Variants in GRIP1 observed in about 807,000 individuals in gnomAD.
GRIP1 encodes the protein glutamate receptor-interacting protein 1.
A neutral mutation model predicts 129.9 loss-of-function variants in GRIP1; 45 were observed. That is an observed-to-expected ratio of 0.35 (90% confidence interval 0.27 to 0.44). The LOEUF (loss-of-function observed/expected upper bound fraction) is 0.44. Among genes scored for constraint, GRIP1 ranks in the 20% least tolerant of loss-of-function variants. GRIP1 has a pLI of 1.00. For synonymous variants in GRIP1, 530 were observed against 520.8 expected, an observed-to-expected ratio of 1.02 and a Z score of -0.24; for missense variants, 1,196 against 1,396.8, an observed-to-expected ratio of 0.86 and a Z score of 2.29.
At chr12:66,595,331 C>T (rs1013741993) in intron 2 of GRIP1, among the ~76,000 whole-genome samples, 8 of 152,150 alleles carry the variant, frequency 5.3e-5, no homozygotes, top group African/African-American at 1.4e-4. Flanking sequence ...TACTTTATGA[C>T]TTTAAGAAAA....
At chr12:66,843,184 T>A (rs2039752055) in intron 1 of GRIP1, among the ~76,000 whole-genome samples, 1 of 151,888 alleles carries the variant, frequency 6.6e-6, no homozygotes, top group Admixed American at 6.6e-5. Context: ...TGCTTAAGGA[T>A]AAAGAAAACA....
rs537176732 is a variant in GRIP1 at position 66,475,779 on chromosome 12, A to G, written c.725-10357T>C. On this transcript the variant is annotated intron_variant, in intron 7 of 24. Transcript: ENST00000359742. ...AAAATAAAGATGTTCTTTGAAACCA[A>G]TGAGAACAAAGACACAACATACCAG... Among the ~76,000 whole-genome samples the G allele has an allele frequency of 7.9e-5, 12 of 152,340 alleles. No homozygotes were observed. The South Asian group carries it at 2.5e-3, about 32-fold the overall frequency.
chr12:66,684,842 C>CAAAATGAAAT (rs1555226312), intron 1 of GRIP1, among the ~76,000 whole-genome samples: 2 of 151,988 alleles, frequency 1.3e-5, no homozygotes, highest in African/African-American at 2.4e-5. Flanking sequence ...AAGACTCTGT[C>CAAAATGAAAT]GAAATGAAAT....
intron 19 of GRIP1, among the ~76,000 whole-genome samples, chr12:66,390,158 G>C (rs1592748458): frequency 6.6e-6 from 1 of 152,182 alleles, no homozygotes; most frequent in Admixed American, 6.5e-5. Context: ...TCCATGCAGC[G>C]TGTCTTGGCG....
chr12:66,361,317 G>A (rs2054751504), intron 23 of GRIP1, among the ~76,000 whole-genome samples: 1 of 152,056 alleles, frequency 6.6e-6, no homozygotes, highest in Non-Finnish European at 1.5e-5. Flanking sequence ...ACCAAGAGCT[G>A]GAAAAAATGA....
chr12:66,935,505 G>C (rs12818812), intron 1 of GRIP1, among the ~76,000 whole-genome samples: 31,367 of 152,002 alleles, frequency 0.21, 3,497 homozygotes, highest in South Asian at 0.26. Context: ...AGCCCTACTT[G>C]TGGGGAGAGG....
intron 1 of GRIP1, among the ~76,000 whole-genome samples, chr12:67,029,551 C>T (rs2042990001): frequency 7.0e-6 from 1 of 142,096 alleles, no homozygotes; most frequent in Non-Finnish European, 1.5e-5. Flanking sequence ...TGCCCTCTAG[C>T]CTAGGCAACA....
At chr12:66,753,411 T>C (rs1275904231) in intron 1 of GRIP1, among the ~76,000 whole-genome samples, 1 of 152,172 alleles carries the variant, frequency 6.6e-6, no homozygotes, top group Non-Finnish European at 1.5e-5. Flanking sequence ...GTAGGAAGAA[T>C]CCAAGGTCCC....
chr12:66,412,449 A>G (rs766114313), intron 15 of GRIP1, among the ~76,000 whole-genome samples: 3 of 152,252 alleles, frequency 2.0e-5, no homozygotes, highest in Non-Finnish European at 4.4e-5. Context: ...ATTCATCACT[A>G]TCAGGCCTAC....
chr12:66,597,615 C>T (rs1424613086), intron 1 of GRIP1, among the ~76,000 whole-genome samples: 2 of 152,026 alleles, frequency 1.3e-5, no homozygotes, highest in African/African-American at 4.8e-5. Context: ...AAATAACTTG[C>T]AGAATTATTA....
In GRIP1 at chr12:66,532,061, A is replaced by G. The variant is rs568916428; in HGVS notation, c.419-2147T>C. On this transcript the variant is annotated intron_variant, in intron 4 of 24. Coordinates refer to ENST00000359742, the MANE Select transcript of GRIP1 (RefSeq NM_001366722.1). ...ATCTTGCTGACTATAAAATCTTACA[A>G]TCAAATTTAAAGTCAATATAAAGGC... Among the ~76,000 whole-genome samples, 182 of 152,334 alleles carry G rather than the reference A, an allele frequency of 1.2e-3. 1 individual carries two copies. The highest frequency in any genetic ancestry group is 4.1e-3 in the African/African-American group (169 of 41,578).
chr12:66,447,682 T>G (rs2058671408), intron 11 of GRIP1, among the ~76,000 whole-genome samples: 2 of 151,794 alleles, frequency 1.3e-5, no homozygotes, highest in African/African-American at 4.8e-5. Context: ...CCACCCCCCA[T>G]GATTTTGTGC....
chr12:66,353,622 AC>A, intron 23 of GRIP1, 59 bp from the exon 24 acceptor site: 1 of 1,436,610 alleles, frequency 7.0e-7, no homozygotes, highest in Non-Finnish European at 9.8e-7. Context: ...TCCTTCTGCA[AC>A]TTCTTGATGA....
chr12:66,895,046 T>C (rs576689375), intron 1 of GRIP1, among the ~76,000 whole-genome samples: 9 of 152,282 alleles, frequency 5.9e-5, no homozygotes, highest in African/African-American at 1.9e-4. Context: ...TGTGCCAGAT[T>C]GTCAGCCTCT....
Position 66,357,404 on chromosome 12 carries a change from G to C in GRIP1, c.3013-3841C>G, listed in dbSNP as rs530175578. ...TAAATCTAGATGCTTGATTTCAGTC[G>C]AGGTTAGCTTTGAGGTGGGGACTGG... On this transcript the variant is annotated intron_variant, in intron 23 of 24. Transcript: ENST00000359742. 2.6e-5 allele frequency among the ~76,000 whole-genome samples: 4 copies of C among 152,120 alleles called. No homozygotes were observed. The South Asian group carries it at 8.3e-4, about 32-fold the overall frequency.
chr12:67,013,457 C>G (rs1477227272), intron 1 of GRIP1, among the ~76,000 whole-genome samples: 1 of 152,122 alleles, frequency 6.6e-6, no homozygotes, highest in Non-Finnish European at 1.5e-5. Flanking sequence ...TTAATTACCT[C>G]ATCTATCTAC....
chr12:66,928,731 T>C (rs548246315), intron 1 of GRIP1, among the ~76,000 whole-genome samples: 2 of 152,352 alleles, frequency 1.3e-5, no homozygotes, highest in African/African-American at 4.8e-5. Context: ...ATGAAATATC[T>C]TGGCATTTGA....
At chr12:66,934,395 C>A (rs2041450473) in intron 1 of GRIP1, among the ~76,000 whole-genome samples, 1 of 152,300 alleles carries the variant, frequency 6.6e-6, no homozygotes, top group Middle Eastern at 3.4e-3. Context: ...CGTTTAAGTT[C>A]TCTTCTGTGC....
intron 1 of GRIP1, among the ~76,000 whole-genome samples, chr12:66,869,979 T>C (rs563847426): frequency 1.3e-5 from 2 of 152,186 alleles, no homozygotes; most frequent in African/African-American, 2.4e-5. Context: ...AATTCTTGGA[T>C]GTTTGGGGCT....
Sources: gnomAD v4.1 joint callset for allele counts (sites outside exome capture counted in the v4.1 genomes callset) on GRCh38, gnomAD v4.1.1 for gene constraint, MANE v1.5 for transcripts, NCBI Gene and HGNC (gene_info 2026-07-23, HGNC 2026-07-21) for gene names.